PPL: variants seen among roughly 807,000 people sequenced by gnomAD.
PPL encodes 190 kDa paraneoplastic pemphigus antigen.
In PPL, 198 loss-of-function variants were observed where a neutral mutation model predicts 194.4. The observed-to-expected ratio is 1.02, with a 90% confidence interval of 0.91 to 1.15. The LOEUF is 1.15. Among genes scored for constraint, PPL ranks in the 50% most tolerant of loss-of-function variants. The pLI is 0.00. For missense variants in PPL, 2,885 were observed against 2,294.8 expected (o/e 1.26, Z -5.25); for synonymous variants, 1,220 against 972.4 (o/e 1.25, Z -4.74).
At chr16:4,894,364 C>T (rs919496769) in intron 12 of PPL, 103 bp downstream of exon 12, 7 of 1,444,710 alleles carry the variant, frequency 4.8e-6, no homozygotes, top group African/African-American at 1.4e-5. Context: ...AGCGACCCCG[C>T]GCTCCCCACA....
In PPL at chr16:4,885,857, A is replaced by G. The variant is rs575862184; in HGVS notation, c.2798T>C (p.Val933Ala). ...LRNQGPQESVVRKEVLKKVPD... is the reference protein window; with the variant it reads ...LRNQGPQESVARKEVLKKVPD... Reference sequence around the variant, plus strand: ...CACCTTCTTGAGCACCTCCTTCCTCACCACCGATTCCTGAGGCCCCTGATT... The same window carrying G: ...CACCTTCTTGAGCACCTCCTTCCTCGCCACCGATTCCTGAGGCCCCTGATT... Residue 933 changes from valine to alanine, a missense_variant, in exon 22 of 22, where the codon GTG (valine) becomes GCG (alanine). Val to Ala is a moderately conservative substitution (Grantham distance 64, BLOSUM62 0). Coordinates refer to ENST00000345988, the MANE Select transcript of PPL (RefSeq NM_002705.5). This position sits in a 1 kb window ranked among gnomAD's most constrained non-coding sequence, Gnocchi z 6.3. 327 of 1,607,848 alleles carry G rather than the reference A, an allele frequency of 2.0e-4. 4 individuals are homozygous for G. In the South Asian group the frequency reaches 3.4e-3, roughly 17 times the overall value.
intron 1 of PPL, among the ~76,000 whole-genome samples, chr16:4,931,262 G>T (rs1028617669): frequency 6.6e-6 from 1 of 152,154 alleles, no homozygotes; most frequent in Non-Finnish European, 1.5e-5. Context: ...TTCTTGGGAG[G>T]CTGAGGCATG....
rs2088196106 is a variant in PPL, at chr16:4,885,310, C to T, written c.3345G>A (p.Lys1115=). The change falls in exon 22 of 22, where the codon AAG becomes AAA. Residue 1115 remains lysine (K), a synonymous_variant. Transcript: ENST00000345988. This position sits in a 1 kb window ranked among gnomAD's most constrained non-coding sequence, Gnocchi z 6.3. ...CGTCCTTCTCCACCTTGAGCACCTC[C>T]TTGACGGTGATCTTGCCCTCGGCCA... ...RAMAEGKITV[K]EVLKVEKDAA... The T allele has an allele frequency of 1.2e-6, 2 of 1,612,542 alleles. No homozygotes were observed. Among genetic ancestry groups the T allele is most frequent in the Non-Finnish European group, 1.7e-6 (2 of 1,180,018 alleles).
intron 19 of PPL, 39 bp downstream of exon 19, chr16:4,888,939 C>T (rs2088262515): frequency 1.9e-6 from 3 of 1,588,496 alleles, no homozygotes; most frequent in Non-Finnish European, 1.7e-6. Context: ...GAATAAGACC[C>T]CTGCTGTTTG....
At position 4,893,553 on chromosome 16, in the gene PPL, C is replaced by T. The variant is rs200314870; in HGVS notation, c.1480G>A (p.Glu494Lys). Residue 494 changes from glutamate to lysine, a missense_variant, in exon 13 of 22, where the codon GAG (glutamate) becomes AAG (lysine). Physicochemically the swap from Glu to Lys is moderately conservative, Grantham distance 56. Coordinates refer to ENST00000345988, the MANE Select transcript of PPL (RefSeq NM_002705.5). ...CCCTGGCACCCACCTCCGGGATTCT[C>T]GGTCTTCAGCACCTCATACCGCTGC... ...LQQRYEVLKTENPGDASDLQG... is the reference protein window; with the variant it reads ...LQQRYEVLKTKNPGDASDLQG... The T allele has an allele frequency of 2.2e-5, 35 of 1,612,520 alleles. No individual in the cohort carries two copies. The highest frequency in any genetic ancestry group is 3.3e-5 in the Admixed American group (2 of 59,982).
intron 6 of PPL, among the ~76,000 whole-genome samples, chr16:4,900,195 A>G (rs1476266495): frequency 6.6e-6 from 1 of 152,184 alleles, no homozygotes; most frequent in Admixed American, 6.6e-5. Flanking sequence ...CAATTTTTAA[A>G]AGAATGCATT....
chr16:4,908,608 G>A (rs181219790), intron 2 of PPL, among the ~76,000 whole-genome samples: 1 of 152,294 alleles, frequency 6.6e-6, no homozygotes, highest in Non-Finnish European at 1.5e-5. Context: ...TGTCATCTCT[G>A]CTCACTGCAG....
In PPL at chr16:4,895,335, G is replaced by GCAC; in HGVS notation, c.1165_1167dup (p.Val389dup). On this transcript the variant is annotated inframe_insertion, in exon 11 of 22. Coordinates refer to ENST00000345988, the MANE Select transcript of PPL (RefSeq NM_002705.5). ...GGAGTCTCCCGGCGGTACTTGAGGGGCACCACCTGCTGGCCTCGCTTCTGC... is the reference window on the plus strand; with the variant it reads ...GGAGTCTCCCGGCGGTACTTGAGGGGCACCACCACCTGCTGGCCTCGCTTCTGC... 6.2e-7 allele frequency: 1 copy of GCAC among 1,613,392 alleles called. No individual in the cohort carries two copies. The highest frequency in any genetic ancestry group is 1.3e-5 in the African/African-American group (1 of 75,054).
At position 4,887,120 on chromosome 16, in the gene PPL, A is replaced by G; in HGVS notation, c.2607+15T>C. On this transcript the variant is annotated intron_variant, in intron 21 of 21. Coordinates refer to ENST00000345988, the MANE Select transcript of PPL (RefSeq NM_002705.5). ...AGAACAGCCTGAAGTAGAATTTCTT[A>G]CTAAGATCAGTTACCTGTCTGAGGA... 6.3e-7 allele frequency: 1 copy of G among 1,588,488 alleles called. No homozygotes were observed. Among genetic ancestry groups the G allele is most frequent in the Non-Finnish European group, 8.6e-7 (1 of 1,156,774 alleles).
chr16:4,903,856 C>T (rs2088626342), intron 3 of PPL, 30 bp downstream of exon 3: 4 of 1,611,712 alleles, frequency 2.5e-6, no homozygotes, highest in Non-Finnish European at 3.4e-6. Flanking sequence ...CCCAATGGCT[C>T]CCCTGGGGTA....
intron 16 of PPL, among the ~76,000 whole-genome samples, 176 bp from the exon 17 acceptor site, chr16:4,891,097 GT>G (rs1007823946): frequency 1.2e-4 from 18 of 152,244 alleles, no homozygotes; most frequent in African/African-American, 4.3e-4. Flanking sequence ...GCCATCTTCT[GT>G]TTTTTAACAA....
At chr16:4,924,090 G>A (rs1477340962) in intron 1 of PPL, among the ~76,000 whole-genome samples, 1 of 152,186 alleles carries the variant, frequency 6.6e-6, no homozygotes, top group East Asian at 1.9e-4. Flanking sequence ...AGGAGTTCAG[G>A]TATTAAGTTG....
At chr16:4,932,665 G>A (rs147052779) in intron 1 of PPL, among the ~76,000 whole-genome samples, 127 of 152,194 alleles carry the variant, frequency 8.3e-4, no homozygotes, top group African/African-American at 2.1e-3. Flanking sequence ...TGATCCGTCC[G>A]CCTTACCCTC....
Position 4,904,058 on chromosome 16 carries a change from G to T in PPL, c.163-18C>A. ...GCCAGGTCCTGTGAGGGTCACAAGA[G>T]AGGGGACAATGAACAGGAGCCGAGA... On this transcript the variant is annotated intron_variant, in intron 2 of 21. Transcript: ENST00000345988. 1 of 1,608,042 alleles carries T rather than the reference G, an allele frequency of 6.2e-7. No individual in the cohort carries two copies.
chr16:4,936,499 GC>G (rs1000899640), intron 1 of PPL, among the ~76,000 whole-genome samples: 4 of 152,146 alleles, frequency 2.6e-5, no homozygotes, highest in Admixed American at 2.6e-4. Flanking sequence ...GCTGGAGAGC[GC>G]CCCCCGACGC....
intron 2 of PPL, among the ~76,000 whole-genome samples, chr16:4,904,619 G>A (rs941484194): frequency 4.6e-5 from 7 of 152,234 alleles, no homozygotes; most frequent in Non-Finnish European, 2.9e-5. Flanking sequence ...TGAGGCAGGA[G>A]AGAGCGAGCT....
In PPL at chr16:4,884,127, C is replaced by G; in HGVS notation, c.4528G>C (p.Gly1510Arg). 1 of 1,613,628 alleles carries G rather than the reference C, an allele frequency of 6.2e-7. No homozygotes were observed. The highest frequency in any genetic ancestry group is 8.5e-7 in the Non-Finnish European group (1 of 1,180,012). ...VLSESVQVEKGDTEQEIQRLK... is the reference protein window; with the variant it reads ...VLSESVQVEKRDTEQEIQRLK... ...CTCTGGATCTCTTGCTCGGTGTCGC[C>G]CTTCTCCACCTGGACACTCTCGGAG... The change falls in exon 22 of 22, where the codon GGC (glycine) becomes CGC (arginine). Residue 1510 changes from glycine to arginine, a missense_variant. Physicochemically the swap from Gly to Arg is moderately radical, Grantham distance 125. Transcript: ENST00000345988. The surrounding 1 kb of genome is among the most constrained non-coding windows in gnomAD (Gnocchi z 5.7).
At chr16:4,927,894 G>A (rs2089179353) in intron 1 of PPL, among the ~76,000 whole-genome samples, 1 of 152,200 alleles carries the variant, frequency 6.6e-6, no homozygotes, top group South Asian at 2.1e-4. Context: ...ACCAAGGCAG[G>A]TCTTGAAGAC....
chr16:4,889,863 A>G (rs547543242), intron 18 of PPL, among the ~76,000 whole-genome samples: 2 of 152,280 alleles, frequency 1.3e-5, no homozygotes, highest in East Asian at 1.9e-4. Flanking sequence ...AGGAGTCCCA[A>G]CTTTGAAAAT....
Sources: gnomAD v4.1 joint callset for allele counts (sites outside exome capture counted in the v4.1 genomes callset) on GRCh38, gnomAD v4.1.1 for gene constraint, Gnocchi (gnomAD v3.1) non-coding constraint, MANE v1.5 for transcripts, NCBI Gene and HGNC (gene_info 2026-07-23, HGNC 2026-07-21) for gene names.